The following MFHAS1 variants were observed in gnomAD, a reference collection of about 807,000 sequenced individuals.
MFHAS1 encodes the protein multifunctional ROCO family signaling regulator 1, also known as malignant fibrous histiocytoma-amplified sequence 1.
In MFHAS1, 50 loss-of-function variants were observed where a neutral mutation model predicts 70.4. The ratio of observed to expected loss-of-function variants is 0.71; its 90% confidence interval spans 0.57 to 0.90. The LOEUF (loss-of-function observed/expected upper bound fraction) is 0.90. Ranked by LOEUF, MFHAS1 falls within the 40% of genes least tolerant of loss-of-function variation. MFHAS1 has a pLI of 0.00. For missense variants in MFHAS1, 1,795 were observed against 1,347.6 expected (o/e 1.33, Z -5.20); for synonymous variants, 952 against 620.0 (o/e 1.54, Z -7.96).
intron 1 of MFHAS1, among the ~76,000 whole-genome samples, chr8:8,809,558 G>A (rs948236843): frequency 6.6e-6 from 1 of 152,174 alleles, no homozygotes; most frequent in Non-Finnish European, 1.5e-5. Context: ...CTGCAGACGC[G>A]TGTGCCACTT....
At chr8:8,793,878 A>C (rs7813248) in intron 2 of MFHAS1, among the ~76,000 whole-genome samples, 175 of 152,234 alleles carry the variant, frequency 1.1e-3, no homozygotes, top group Non-Finnish European at 1.9e-3. Flanking sequence ...TTCTAACTTA[A>C]CAGGTCTGAT....
rs139463099 is a variant in MFHAS1 at position 8,869,888 on chromosome 8, A to G, written c.2998+20173T>C. Among the ~76,000 whole-genome samples, 103 of 152,266 alleles carry G rather than the reference A, an allele frequency of 6.8e-4. No individual in the cohort carries two copies. In the East Asian group the frequency reaches 0.01, roughly 15 times the overall value. On this transcript the variant is annotated intron_variant, in intron 1 of 2. Transcript: ENST00000276282. ...CAAGACTCAATTGCCTTCATCCCCA[A>G]GGACCTACCTGGGGGCCTCTATTGT...
chr8:8,844,878 GGTCA>G (rs1397971453), intron 1 of MFHAS1, among the ~76,000 whole-genome samples: 1 of 152,148 alleles, frequency 6.6e-6, no homozygotes, highest in Non-Finnish European at 1.5e-5. Flanking sequence ...TTCTAATACT[GGTCA>G]GTGAGGTTGT....
At chr8:8,827,371 C>G (rs911466936) in intron 1 of MFHAS1, among the ~76,000 whole-genome samples, 1 of 152,242 alleles carries the variant, frequency 6.6e-6, no homozygotes, top group Non-Finnish European at 1.5e-5. Context: ...AAATGCCCTT[C>G]AACAGCACTG....
intron 1 of MFHAS1, among the ~76,000 whole-genome samples, chr8:8,855,067 C>G (rs1808386053): frequency 6.6e-6 from 1 of 152,124 alleles, no homozygotes; most frequent in African/African-American, 2.4e-5. Context: ...GGTCCTCCCT[C>G]AGTATATATG....
chr8:8,796,400 T>C (rs1585019273), intron 2 of MFHAS1, among the ~76,000 whole-genome samples: 1 of 152,350 alleles, frequency 6.6e-6, no homozygotes, highest in South Asian at 2.1e-4. Context: ...GAGTTAAGAC[T>C]GCCCGTCAAA....
chr8:8,861,911 C>T (rs1038813711), intron 1 of MFHAS1, among the ~76,000 whole-genome samples: 2 of 152,210 alleles, frequency 1.3e-5, no homozygotes. Flanking sequence ...CTTTTCCTTG[C>T]TATGTCGCAT....
rs763321868 is a variant in MFHAS1 at position 8,892,945 on chromosome 8, C to G, written c.114G>C (p.Gly38=). The G allele has an allele frequency of 6.5e-7, 1 of 1,547,034 alleles. No homozygotes were observed. The highest frequency in any genetic ancestry group is 2.5e-5 in the East Asian group (1 of 40,424). Residue 38 remains glycine (G), a synonymous_variant, in exon 1 of 3, where the codon GGG becomes GGC. Coordinates refer to ENST00000276282, the MANE Select transcript of MFHAS1 (RefSeq NM_004225.3). The surrounding 1 kb of genome is among the most constrained non-coding windows in gnomAD (Gnocchi z 4.7). ...NLRQLTLTAA[G]ACPGAGADAL... ...CGTCGGCCCCGGCCCCGGGGCAGGC[C>G]CCGGCGGCGGTAAGCGTGAGCTGGC...
intron 2 of MFHAS1, among the ~76,000 whole-genome samples, chr8:8,793,181 A>C (rs1304696499): frequency 4.6e-5 from 7 of 151,986 alleles, no homozygotes; most frequent in African/African-American, 9.7e-5. Context: ...TAAAACAAAA[A>C]AAAAAATATC....
intron 1 of MFHAS1, among the ~76,000 whole-genome samples, chr8:8,879,784 A>G (rs979467509): frequency 1.2e-4 from 18 of 152,336 alleles, no homozygotes; most frequent in African/African-American, 4.3e-4. Flanking sequence ...TTATTTTCCT[A>G]GAACTCCCAG....
At chr8:8,856,499 T>G (rs561875659) in intron 1 of MFHAS1, among the ~76,000 whole-genome samples, 1 of 152,182 alleles carries the variant, frequency 6.6e-6, no homozygotes, top group Non-Finnish European at 1.5e-5. Context: ...GGCCTGACAA[T>G]TGCCAAACAT....
intron 1 of MFHAS1, among the ~76,000 whole-genome samples, chr8:8,846,726 A>G (rs1057167295): frequency 1.3e-5 from 2 of 151,938 alleles, no homozygotes; most frequent in African/African-American, 4.8e-5. Context: ...CTTCCCTCAC[A>G]TAATAAGATT....
rs534270597 is a variant in MFHAS1, at chr8:8,824,332, C to A, written c.2999-26841G>T. Among the ~76,000 whole-genome samples, 4 of 152,158 alleles carry A rather than the reference C, an allele frequency of 2.6e-5. No homozygotes were observed. The South Asian group carries it at 8.3e-4, about 32-fold the overall frequency. ...AAATACAGGACTGCCTCCCTCCAAG[C>A]ACACAGGGTACCCCGGAGTCCTTAC... On this transcript the variant is annotated intron_variant, in intron 1 of 2. Transcript: ENST00000276282.
chr8:8,881,305 G>C (rs893318775), intron 1 of MFHAS1, among the ~76,000 whole-genome samples: 12 of 152,164 alleles, frequency 7.9e-5, no homozygotes, highest in Admixed American at 1.3e-4. Flanking sequence ...CCAGAAATAA[G>C]TCAGCCCTGC....
Position 8,891,619 on chromosome 8 carries a change from C to A in MFHAS1, c.1440G>T (p.Gly480=). ...GLRFIVYDLA[G]DESYEVIQPF... is the part of the protein sequence containing the mutation. ...GCTGGATCACCTCATAACTTTCATC[C>A]CCAGCTAAGTCATACACGATGAACC... is the stretch of plus-strand genomic sequence containing the variant. The change falls in exon 1 of 3, where the codon GGG becomes GGT. Residue 480 remains glycine (G), a synonymous_variant. Coordinates refer to ENST00000276282, the MANE Select transcript of MFHAS1 (RefSeq NM_004225.3). The surrounding 1 kb of genome is among the most constrained non-coding windows in gnomAD (Gnocchi z 5.4). The A allele has an allele frequency of 6.2e-7, 1 of 1,613,576 alleles. No individual in the cohort carries two copies. The highest frequency in any genetic ancestry group is 8.5e-7 in the Non-Finnish European group (1 of 1,180,040).
At chr8:8,841,224 T>C (rs754563379) in intron 1 of MFHAS1, among the ~76,000 whole-genome samples, 1 of 152,038 alleles carries the variant, frequency 6.6e-6, no homozygotes, top group Admixed American at 6.5e-5. Context: ...ACCGTAATCC[T>C]AGCACTTTGG....
At chr8:8,788,215 G>A (rs2409088) in intron 2 of MFHAS1, among the ~76,000 whole-genome samples, 25 of 152,188 alleles carry the variant, frequency 1.6e-4, no homozygotes, top group African/African-American at 5.3e-4. Flanking sequence ...CTGGAGGGCA[G>A]GATTTGATTT....
chr8:8,892,526 G>A lies in MFHAS1; in HGVS notation c.533C>T (p.Ser178Phe), dbSNP rs769891627. Reference protein sequence around the residue: ...NRLAHLPDSLSCLSRLRTLDV... With the variant: ...NRLAHLPDSLFCLSRLRTLDV... The stretch of plus-strand genomic sequence containing the variant: ...CAGGGTGCGCAGGCGGGAGAGGCAG[G>A]AGAGGGAGTCAGGCAGGTGCGCCAG... The change falls in exon 1 of 3, where the codon TCC becomes TTC. Residue 178 changes from serine to phenylalanine, a missense_variant. Transcript: ENST00000276282. The surrounding 1 kb of genome is among the most constrained non-coding windows in gnomAD (Gnocchi z 4.7). 1.1e-5 allele frequency: 17 copies of A among 1,597,266 alleles called. No homozygotes were observed. The highest frequency in any genetic ancestry group is 1.7e-4 in the Middle Eastern group (1 of 6,050).
At chr8:8,860,867 G>A (rs1390299037) in intron 1 of MFHAS1, among the ~76,000 whole-genome samples, 1 of 152,030 alleles carries the variant, frequency 6.6e-6, no homozygotes, top group Non-Finnish European at 1.5e-5. Flanking sequence ...TTTCTTCTGG[G>A]CTCATACGCA....
Sources: allele counts gnomAD v4.1 joint callset (sites outside exome capture counted in the v4.1 genomes callset), GRCh38; gene constraint gnomAD v4.1.1; non-coding constraint Gnocchi (gnomAD v3.1); transcripts MANE v1.5; gene names NCBI Gene and HGNC (gene_info 2026-07-23, HGNC 2026-07-21).